The following TAF15 variants were observed in gnomAD, a reference collection of about 807,000 sequenced individuals.
TAF15 encodes TATA-binding protein-associated factor 2N.
In TAF15, 37 loss-of-function variants were observed where a neutral mutation model predicts 102.5. The ratio of observed to expected loss-of-function variants is 0.36; its 90% CI spans 0.28 to 0.47. TAF15 has a LOEUF of 0.47. Ranked by LOEUF, TAF15 falls within the 20% of genes least tolerant of loss-of-function variation. The probability of loss-of-function intolerance (pLI) is 0.99; values close to 1 mark genes in which losing one functional copy is unlikely to be tolerated. For missense variants in TAF15, 652 were observed against 760.7 expected (o/e 0.86, Z 1.68); for synonymous variants, 273 against 259.2 (o/e 1.05, Z -0.51).
rs1189468986 is a variant in TAF15, at chr17:35,845,038, G to A, written c.1739G>A (p.Arg580Lys). ...RGGYGGKMGGRNDYRNDQRNR... is the reference protein window; with the variant it reads ...RGGYGGKMGGKNDYRNDQRNR... Reference sequence around the variant, plus strand: ...GGCTATGGAGGCAAAATGGGAGGAAGGTGAGTATTAGAATGTGTTTATTAA... The same window carrying A: ...GGCTATGGAGGCAAAATGGGAGGAAAGTGAGTATTAGAATGTGTTTATTAA... The change falls in exon 15 of 16, where the codon AGA becomes AAA. Residue 580 changes from arginine to lysine, a missense_variant and splice_region_variant. Arg to Lys is a conservative substitution (Grantham distance 26). This residue lies in a region of TAF15 where 368 missense variants were observed against 367.5 expected (regional missense o/e 1.00). Transcript: ENST00000605844. 24 of 1,613,902 alleles carry A rather than the reference G, an allele frequency of 1.5e-5. No homozygotes were observed. Among genetic ancestry groups the A allele is most frequent in the Non-Finnish European group, 1.7e-5 (20 of 1,180,044 alleles).
chr17:35,846,818 C>G (rs2143841600), intron 15 of TAF15, 88 bp from the exon 16 acceptor site: 3 of 1,378,568 alleles, frequency 2.2e-6, no homozygotes, highest in South Asian at 1.2e-5. Flanking sequence ...CTAGCTGATG[C>G]CAATCACTAG....
At chr17:35,839,688 C>T (rs761716441) in intron 11 of TAF15, among the ~76,000 whole-genome samples, 1 of 151,708 alleles carries the variant, frequency 6.6e-6, no homozygotes, top group Admixed American at 6.6e-5. Flanking sequence ...GGCCGAGATG[C>T]TTTTTTTAAC....
At position 35,842,500 on chromosome 17, in the gene TAF15, GGTTTAA is replaced by G. The variant is rs4251775; in HGVS notation, c.1006+46_1006+51del. ...CGTACAGTCCTGGATACTATCCAAG[GGTTTAA>G]GTTTGAGTTCATACTCTGTTTCTAT... On this transcript the variant is annotated intron_variant, in intron 12 of 15. Transcript: ENST00000605844. 4,180 of 1,498,946 alleles carry G rather than the reference GGTTTAA, an allele frequency of 2.8e-3. 83 individuals are homozygous for G. The African/African-American group carries it at 0.051, about 18-fold the overall frequency. 92.9% of individuals were successfully genotyped at this position (1,498,946 alleles called of 1,614,324 possible).
At chr17:35,838,630 G>A (rs906407682) in intron 11 of TAF15, 77 bp downstream of exon 11, 2 of 1,601,002 alleles carry the variant, frequency 1.2e-6, no homozygotes, top group East Asian at 2.2e-5. Flanking sequence ...TATGCTCTGG[G>A]TGACAGTGAT....
chr17:35,842,386 C>T lies in TAF15; in HGVS notation c.933C>T (p.Asn311=), dbSNP rs769493934. Residue 311 remains asparagine, a synonymous_variant, in exon 12 of 16, where the codon AAC becomes AAT. Transcript: ENST00000605844. Reference sequence around the variant, plus strand: ...TCTTAGGAAAAGAATTCCATGGCAACATCATTAAAGTGTCCTTTGCCACTA... The same window carrying T: ...TCTTAGGAAAAGAATTCCATGGCAATATCATTAAAGTGTCCTTTGCCACTA... ...DWFDGKEFHG[N]IIKVSFATRR... is the part of the protein sequence containing the mutation. The T allele has an allele frequency of 6.8e-6, 11 of 1,613,806 alleles. No homozygotes were observed. Among genetic ancestry groups the T allele is most frequent in the Admixed American group, 1.7e-5 (1 of 59,988 alleles).
chr17:35,814,267 G>A (rs1191094468), intron 1 of TAF15, among the ~76,000 whole-genome samples: 1 of 151,656 alleles, frequency 6.6e-6, no homozygotes, highest in African/African-American at 2.4e-5. Context: ...CTGGGTTCAC[G>A]CCATTCTCCT....
At chr17:35,844,439 T>C (rs1334647212) in intron 14 of TAF15, 38 bp from the exon 15 acceptor site, 3 of 1,612,582 alleles carry the variant, frequency 1.9e-6, no homozygotes, top group Middle Eastern at 1.6e-4. Flanking sequence ...CTTTACGTTG[T>C]TTCTGCTGGC....
rs373334865 is a variant in TAF15 at position 35,844,933 on chromosome 17, G to T, written c.1634G>T (p.Arg545Leu). ...RGGGSGYGGD[R>L]SGGYGGDRSG... ...GGTGGCAGTGGCTACGGTGGAGACC[G>T]AAGTGGAGGCTATGGAGGAGACAGG... The change falls in exon 15 of 16, where the codon CGA becomes CTA. Residue 545 changes from arginine to leucine, a missense_variant. Transcript: ENST00000605844. 1 of 1,613,332 alleles carries T rather than the reference G, an allele frequency of 6.2e-7. No individual in the cohort carries two copies. Among genetic ancestry groups the T allele is most frequent in the Non-Finnish European group, 8.5e-7 (1 of 1,179,666 alleles).
Position 35,844,631 on chromosome 17 carries a change from C to T in TAF15, c.1332C>T (p.Gly444=), listed in dbSNP as rs150034643. 1.8e-4 allele frequency: 262 copies of T among 1,438,966 alleles called. 1 individual carries two copies. Among genetic ancestry groups the T allele is most frequent in the African/African-American group, 1.6e-3 (82 of 52,854 alleles). 89.1% of individuals were successfully genotyped at this position (1,438,966 alleles called of 1,614,324 possible). A position where few individuals can be genotyped will look rare whatever the true frequency, so the allele number is the denominator to read the frequency against. Residue 444 remains glycine (G), a synonymous_variant, in exon 15 of 16, where the codon GGC becomes GGT. Transcript: ENST00000605844. ...GGGYSGDRSG[G]GYGGDRSGGG... ...GCTACAGCGGAGATAGAAGTGGGGGCGGCTATGGTGGAGACAGAAGTGGGG... is the reference window on the plus strand; with the variant it reads ...GCTACAGCGGAGATAGAAGTGGGGGTGGCTATGGTGGAGACAGAAGTGGGG...
intron 11 of TAF15, among the ~76,000 whole-genome samples, chr17:35,840,205 T>G (rs986706758): frequency 1.3e-5 from 2 of 151,928 alleles, no homozygotes; most frequent in Non-Finnish European, 2.9e-5. Context: ...GTTTCAAGAT[T>G]ATTGTACCTC....
Position 35,844,581 on chromosome 17 carries a change from G to A in TAF15, c.1282G>A (p.Gly428Ser). 1 of 1,600,308 alleles carries A rather than the reference G, an allele frequency of 6.2e-7. No homozygotes were observed. Residue 428 changes from glycine to serine, a missense_variant, in exon 15 of 16, where the codon GGT becomes AGT. By Grantham distance (56) the Gly-to-Ser change is moderately conservative (BLOSUM62 0). Around this residue, in one of 3 missense-constraint regions of TAF15, gnomAD observed 368 missense variants for 367.5 expected, o/e 1.00. Coordinates refer to ENST00000605844, the MANE Select transcript of TAF15 (RefSeq NM_139215.3). ...TGGAGACAGAAGTGGGGGTGGCTAT[G>A]GTGGAGACAGAAGCAGCGGTGGTGG... The part of the protein sequence containing the change: ...YGGDRSGGGY[G>S]GDRSSGGGYS...
Position 35,844,589 on chromosome 17 carries a change from C to T in TAF15, c.1290C>T (p.Asp430=). Residue 430 remains aspartate (D), a synonymous_variant, in exon 15 of 16, where the codon GAC becomes GAT. Coordinates refer to ENST00000605844, the MANE Select transcript of TAF15 (RefSeq NM_139215.3). ...GDRSGGGYGG[D]RSSGGGYSGD... is the part of the protein sequence containing the mutation. Reference sequence around the variant, plus strand: ...GAAGTGGGGGTGGCTATGGTGGAGACAGAAGCAGCGGTGGTGGCTACAGCG... The same window carrying T: ...GAAGTGGGGGTGGCTATGGTGGAGATAGAAGCAGCGGTGGTGGCTACAGCG... The T allele has an allele frequency of 6.3e-7, 1 of 1,578,124 alleles. No individual in the cohort carries two copies.
In TAF15 at chr17:35,820,643, T is replaced by A. The variant is rs147133906; in HGVS notation, c.290+206T>A. ...TCTTATGATGTATTTGTGAAATCAT[T>A]GTTTAGCTATAAATTGATGTCCTTA... On this transcript the variant is annotated intron_variant, in intron 5 of 15. Transcript: ENST00000605844. Among the ~76,000 whole-genome samples, 134 of 152,268 alleles carry A rather than the reference T, an allele frequency of 8.8e-4. 1 individual carries two copies. Among genetic ancestry groups the A allele is most frequent in the African/African-American group, 2.9e-3 (119 of 41,560 alleles).
intron 7 of TAF15, among the ~76,000 whole-genome samples, chr17:35,826,582 G>A (rs1344218784): frequency 6.7e-6 from 1 of 148,340 alleles, no homozygotes; most frequent in Non-Finnish European, 1.5e-5. Flanking sequence ...TTTTGAGATG[G>A]AGTCTCGCTC....
At chr17:35,825,391 A>G (rs1020717143) in intron 7 of TAF15, among the ~76,000 whole-genome samples, 12 of 152,222 alleles carry the variant, frequency 7.9e-5, no homozygotes, top group African/African-American at 2.7e-4. Flanking sequence ...TAAATGGACT[A>G]TGTAAAGTGA....
rs183974392 is a variant in TAF15, at chr17:35,843,479, G to T, written c.1007-598G>T. ...CTTGTCTTTTTTCTTTTTCTGTTTTGTGGGTGGATGTTACTGTGGCCTTTG... is the reference window on the plus strand; with the variant it reads ...CTTGTCTTTTTTCTTTTTCTGTTTTTTGGGTGGATGTTACTGTGGCCTTTG... On this transcript the variant is annotated intron_variant, in intron 12 of 15. Coordinates refer to ENST00000605844, the MANE Select transcript of TAF15 (RefSeq NM_139215.3). 5.5e-4 allele frequency among the ~76,000 whole-genome samples: 83 copies of T among 152,138 alleles called. 1 individual carries two copies. The East Asian group carries it at 0.013, about 23-fold the overall frequency.
At chr17:35,825,546 AG>A (rs1317493875) in intron 7 of TAF15, among the ~76,000 whole-genome samples, 1 of 152,240 alleles carries the variant, frequency 6.6e-6, no homozygotes, top group Admixed American at 6.5e-5. Context: ...TCATAGCTTT[AG>A]TTTTCTTCAT....
intron 11 of TAF15, among the ~76,000 whole-genome samples, chr17:35,841,072 C>T (rs1406957850): frequency 6.6e-6 from 1 of 152,148 alleles, no homozygotes; most frequent in East Asian, 1.9e-4. Context: ...GACTTTTGCC[C>T]ATAGGGCATA....
intron 1 of TAF15, among the ~76,000 whole-genome samples, chr17:35,815,382 C>G (rs1355990284): frequency 6.6e-6 from 1 of 152,166 alleles, no homozygotes; most frequent in Admixed American, 6.5e-5. Context: ...CTTTATCACT[C>G]AAGGATTTAT....
Sources: gnomAD v4.1 joint callset for allele counts (sites outside exome capture counted in the v4.1 genomes callset) on GRCh38, gnomAD v4.1.1 for gene constraint, gnomAD v4.1.1 regional missense constraint, MANE v1.5 for transcripts, NCBI Gene and HGNC (gene_info 2026-07-23, HGNC 2026-07-21) for gene names.